Variants in ATP5F1A observed in about 807,000 individuals in gnomAD.
ATP5F1A encodes ATP synthase F(1) complex subunit alpha, mitochondrial.
ATP5F1A carries 24 observed loss-of-function variants against 57.4 expected under a neutral mutation model. That is an observed-to-expected ratio of 0.42 (90% CI 0.30 to 0.59). The LOEUF (loss-of-function observed/expected upper bound fraction) is 0.59. ATP5F1A is among the 20% of genes least tolerant of loss of function. ATP5F1A has a pLI of 0.19. For missense variants in ATP5F1A, 494 were observed against 707.9 expected (o/e 0.70, Z 3.43); for synonymous variants, 251 against 255.5 (o/e 0.98, Z 0.17).
upstream of ATP5F1A, chr18:46,099,408 T>A (rs1021688546): frequency 1.3e-5 from 2 of 152,118 alleles, no homozygotes; most frequent in African/African-American, 4.8e-5. Context: ...TATGTCATAG[T>A]GGACACTTAT....
intron 9 of ATP5F1A, 38 bp downstream of exon 9, chr18:46,086,349 A>C: frequency 6.2e-7 from 1 of 1,612,880 alleles, no homozygotes; most frequent in South Asian, 1.1e-5. Flanking sequence ...TGCTAATCTA[A>C]TGATAGCCCC....
rs763417759 is a variant in ATP5F1A, at chr18:46,098,246, C to T, written c.-15G>A. The T allele has an allele frequency of 1.2e-6, 2 of 1,603,318 alleles. No individual in the cohort carries two copies. Among genetic ancestry groups the T allele is most frequent in the East Asian group, 2.2e-5 (1 of 44,778 alleles). On this transcript the variant is annotated 5_prime_UTR_variant, in exon 1 of 12. Transcript: ENST00000398752. ...ACGGACAGCATCTTTGCAGTTACTC[C>T]GCAGGCGGTACTTCTGCAGCCGCAG...
At chr18:46,094,813 T>C (rs1910822543) in intron 2 of ATP5F1A, 3 of 422,366 alleles carry the variant, frequency 7.1e-6, no homozygotes, top group African/African-American at 4.1e-5. Flanking sequence ...CCAAGGGCCA[T>C]TACCAGAACA....
At chr18:46,101,417 T>C (rs903674227), upstream of ATP5F1A, among the ~76,000 whole-genome samples, 3 of 151,718 alleles carry the variant, frequency 2.0e-5, no homozygotes, top group African/African-American at 7.3e-5. Context: ...AATCAAAAAT[T>C]AGCTGGGGGT....
At position 46,098,184 on chromosome 18, in the gene ATP5F1A, C is replaced by G; in HGVS notation, c.48G>C (p.Arg16=). Residue 16 remains arginine (R), a synonymous_variant, in exon 1 of 12, where the codon CGG becomes CGC. Coordinates refer to ENST00000398752, the MANE Select transcript of ATP5F1A (RefSeq NM_004046.6). ...CTTCGGTGCTCACCAGTCCGGCCCGCCGAGGAAGGGCGCGGACCACGGCCG... is the reference window on the plus strand; with the variant it reads ...CTTCGGTGCTCACCAGTCCGGCCCGGCGAGGAAGGGCGCGGACCACGGCCG... ...VAAAVVRALP[R]RAGLVSRNAL... 1 of 1,605,400 alleles carries G rather than the reference C, an allele frequency of 6.2e-7. No individual in the cohort carries two copies. The highest frequency in any genetic ancestry group is 2.2e-5 in the East Asian group (1 of 44,838).
chr18:46,085,944 AAAAATC>A, intron 10 of ATP5F1A, 163 bp downstream of exon 10: 4 of 829,586 alleles, frequency 4.8e-6, no homozygotes, highest in African/African-American at 1.7e-5. Flanking sequence ...AAAAAAAAAA[AAAAATC>A]AAAAATCAAA....
At position 46,081,673 on chromosome 18, in the gene ATP5F1A, C is replaced by CAAAAAAAAAAAAAAAAAAAAAAA. The variant is rs1159742250; in HGVS notation, c.*2586_*2608dup. 2.1e-4 allele frequency: 16 copies of CAAAAAAAAAAAAAAAAAAAAAAA among 75,444 alleles called. No homozygotes were observed. Among genetic ancestry groups the CAAAAAAAAAAAAAAAAAAAAAAA allele is most frequent in the East Asian group, 3.9e-4 (1 of 2,568 alleles). The allele number at this position is 75,444 out of a possible 1,614,324, so 4.7% of individuals were successfully genotyped here. On this transcript the variant is annotated 3_prime_UTR_variant, in exon 12 of 12. Coordinates refer to ENST00000398752, the MANE Select transcript of ATP5F1A (RefSeq NM_004046.6). ...GAGCAAAACTCTCAAAAAAAAAAAACAAAAAAAAAAAAAAAAAAAAAAAAC... is the reference window on the plus strand; with the variant it reads ...GAGCAAAACTCTCAAAAAAAAAAAACAAAAAAAAAAAAAAAAAAAAAAAAAAAAAAAAAAAAAAAAAAAAAAAC...
rs1204026682 is a variant in ATP5F1A at position 46,092,228 on chromosome 18, T to TAATAATAAA, written c.140-378_140-377insTTTATTATT. On this transcript the variant is annotated intron_variant, in intron 2 of 11. Coordinates refer to ENST00000398752, the MANE Select transcript of ATP5F1A (RefSeq NM_004046.6). ...ATAATAATAATAATAATAATAATAA[T>TAATAATAAA]AAAAATCTGGTCCTCGGATCTTTTC... The TAATAATAAA allele has an allele frequency of 1.1e-3, 76 of 69,702 alleles. No homozygotes were observed. The South Asian group carries it at 0.011, about 10-fold the overall frequency. 4.3% of individuals were successfully genotyped at this position (69,702 alleles called of 1,614,324 possible).
chr18:46,089,539 A>T, intron 5 of ATP5F1A, 27 bp downstream of exon 5: 1 of 1,610,086 alleles, frequency 6.2e-7, no homozygotes, highest in Non-Finnish European at 8.5e-7. Context: ...TTTAGTTAGA[A>T]CTTTTAATAT....
Position 46,084,018 on chromosome 18 carries a change from C to A in ATP5F1A, c.*264G>T. On this transcript the variant is annotated 3_prime_UTR_variant, in exon 12 of 12. Transcript: ENST00000398752. ...AAACAAAAAAAAAACTTACAAAGAGCTCAGCCTTGAATTATCTAGCCCAGT... is the reference window on the plus strand; with the variant it reads ...AAACAAAAAAAAAACTTACAAAGAGATCAGCCTTGAATTATCTAGCCCAGT... 1 of 298,786 alleles carries A rather than the reference C, an allele frequency of 3.3e-6. No homozygotes were observed. Among genetic ancestry groups the A allele is most frequent in the Non-Finnish European group, 6.0e-6 (1 of 165,348 alleles). 18.5% of individuals were successfully genotyped at this position (298,786 alleles called of 1,614,324 possible). A position where few individuals can be genotyped will look rare whatever the true frequency, so the allele number is the denominator to read the frequency against.
chr18:46,086,266 C>T lies in ATP5F1A; in HGVS notation c.1285-9G>A. On this transcript the variant is annotated splice_polypyrimidine_tract_variant and intron_variant, in intron 9 of 11. Coordinates refer to ENST00000398752, the MANE Select transcript of ATP5F1A (RefSeq NM_004046.6). ...TTCATGGTACCTGCTACCTGCAATA[C>T]AGAAATTACTGTACTGTAACTCAGT... 1 of 1,613,782 alleles carries T rather than the reference C, an allele frequency of 6.2e-7. No homozygotes were observed. Among genetic ancestry groups the T allele is most frequent in the South Asian group, 1.1e-5 (1 of 91,046 alleles).
intron 5 of ATP5F1A, chr18:46,088,618 G>A (rs1303950191): frequency 1.9e-5 from 3 of 161,934 alleles, no homozygotes; most frequent in Non-Finnish European, 4.0e-5. Flanking sequence ...AGGCTGCAGG[G>A]CCCTCTGCCC....
rs1452723710 is a variant in ATP5F1A, at chr18:46,087,191, G to A, written c.993C>T (p.Pro331=). Residue 331 remains proline, a synonymous_variant, in exon 8 of 12, where the codon CCC becomes CCT. Coordinates refer to ENST00000398752, the MANE Select transcript of ATP5F1A (RefSeq NM_004046.6). ...YRQMSLLLRR[P]PGREAYPGDV... ...CACCAGGATAGGCCTCACGACCAGG[G>A]GGTCGGCGGAGCAACAGAGACATCT... is the stretch of plus-strand genomic sequence containing the variant. 1.2e-6 allele frequency: 2 copies of A among 1,614,042 alleles called. No homozygotes were observed. The highest frequency in any genetic ancestry group is 2.2e-5 in the East Asian group (1 of 44,888).
Position 46,087,172 on chromosome 18 carries a change from G to C in ATP5F1A, c.1012C>G (p.Pro338Ala), listed in dbSNP as rs1387775736. ...GAGTGTAGGTAGAACACATCACCAG[G>C]ATAGGCCTCACGACCAGGGGGTCGG... is the stretch of plus-strand genomic sequence containing the variant. Reference protein sequence around the residue: ...LRRPPGREAYPGDVFYLHSRL... With the variant: ...LRRPPGREAYAGDVFYLHSRL... Residue 338 changes from proline (P) to alanine (A), a missense_variant, in exon 8 of 12, where the codon CCT becomes GCT. Physicochemically the swap from Pro to Ala is conservative, Grantham distance 27. Transcript: ENST00000398752. 6.2e-7 allele frequency: 1 copy of C among 1,614,078 alleles called. No homozygotes were observed. The highest frequency in any genetic ancestry group is 8.5e-7 in the Non-Finnish European group (1 of 1,180,042).
In ATP5F1A at chr18:46,098,198, G is replaced by C. The variant is rs776816563; in HGVS notation, c.34C>G (p.Arg12Gly). The change falls in exon 1 of 12, where the codon CGC (arginine) becomes GGC (glycine). Residue 12 changes from arginine (R) to glycine (G), a missense_variant. Physicochemically the swap from Arg to Gly is moderately radical, Grantham distance 125. Around this residue, in one of 6 missense-constraint regions of ATP5F1A, gnomAD observed 142 missense variants for 137.5 expected, o/e 1.03. Transcript: ENST00000398752. ...AGTCCGGCCCGCCGAGGAAGGGCGC[G>C]GACCACGGCCGCAGCAACGCGCACG... ...LSVRVAAAVV[R>G]ALPRRAGLVS... 1.9e-6 allele frequency: 3 copies of C among 1,606,394 alleles called. No individual in the cohort carries two copies. In the Admixed American group the frequency reaches 5.0e-5, roughly 27 times the overall value.
At chr18:46,090,038 G>T in intron 3 of ATP5F1A, 42 bp from the exon 4 acceptor site, 1 of 1,228,428 alleles carries the variant, frequency 8.1e-7, no homozygotes, top group Non-Finnish European at 1.1e-6. Context: ...AGCTGAATGG[G>T]CACTCCTCCC....
rs779701103 is a variant in ATP5F1A, at chr18:46,086,435, C to T, written c.1236G>A (p.Leu412=). Residue 412 remains leucine, a synonymous_variant, in exon 9 of 12, where the codon CTG becomes CTA. Transcript: ENST00000398752. ...CAGCGGATCCGACACGAGATACAGA[C>T]AGACCAACGTTAATTGCAGGGCGGA... ...KGIRPAINVG[L]SVSRVGSAAQ... 1.2e-6 allele frequency: 2 copies of T among 1,614,170 alleles called. No individual in the cohort carries two copies. Among genetic ancestry groups the T allele is most frequent in the East Asian group, 4.5e-5 (2 of 44,888 alleles).
intron 1 of ATP5F1A, among the ~76,000 whole-genome samples, chr18:46,095,425 G>A (rs922193336): frequency 4.9e-4 from 75 of 151,908 alleles, no homozygotes; most frequent in African/African-American, 1.5e-3. Context: ...AGTCTCAAGC[G>A]ATTCTCAGCC....
Position 46,084,040 on chromosome 18 carries a change from C to G in ATP5F1A, c.*242G>C. 2 of 398,050 alleles carry G rather than the reference C, an allele frequency of 5.0e-6. No homozygotes were observed. The highest frequency in any genetic ancestry group is 1.2e-4 in the South Asian group (2 of 16,658). The allele number at this position is 398,050 out of a possible 1,614,324, so 24.7% of individuals were successfully genotyped here. A position where few individuals can be genotyped will look rare whatever the true frequency, so the allele number is the denominator to read the frequency against. On this transcript the variant is annotated 3_prime_UTR_variant, in exon 12 of 12. Transcript: ENST00000398752. Reference sequence around the variant, plus strand: ...GAGCTCAGCCTTGAATTATCTAGCCCAGTTGACTGTACCAATATTCAAGTA... The same window carrying G: ...GAGCTCAGCCTTGAATTATCTAGCCGAGTTGACTGTACCAATATTCAAGTA...
Sources: allele counts gnomAD v4.1 joint callset (sites outside exome capture counted in the v4.1 genomes callset), GRCh38; gene constraint gnomAD v4.1.1; regional missense constraint gnomAD v4.1.1; transcripts MANE v1.5; gene names NCBI Gene and HGNC (gene_info 2026-07-23, HGNC 2026-07-21).